RGL1: variants seen among roughly 807,000 people sequenced by gnomAD.
RGL1 encodes ral guanine nucleotide dissociation stimulator like 1.
Under a neutral mutation model 95.2 loss-of-function variants are expected in RGL1, and 24 were observed. The observed-to-expected ratio is 0.25, with a 90% CI of 0.18 to 0.35. The LOEUF (loss-of-function observed/expected upper bound fraction) is 0.35. Ranked by LOEUF, RGL1 falls within the 10% of genes least tolerant of loss-of-function variation. The pLI, the probability that RGL1 is intolerant of heterozygous loss-of-function variation, is 1.00. For synonymous variants in RGL1, 329 were observed against 344.9 expected (o/e 0.95, Z 0.51); for missense variants, 715 against 936.3 (o/e 0.76, Z 3.08).
Position 183,905,027 on chromosome 1 carries a change from T to G in RGL1, c.1472+56T>G, listed in dbSNP as rs556777486. On this transcript the variant is annotated intron_variant, in intron 13 of 17. Coordinates refer to ENST00000360851, the MANE Select transcript of RGL1 (RefSeq NM_001297671.3). ...ACTGAAGTGTTGGCAAGAAAAATGC[T>G]GCATTTAATACCTCGCTGGGTCATT... 1.9e-6 allele frequency: 3 copies of G among 1,579,774 alleles called. No homozygotes were observed. The South Asian group carries it at 3.5e-5, about 19-fold the overall frequency.
chr1:183,710,932 T>A (rs1190018555), intron 1 of RGL1, among the ~76,000 whole-genome samples: 1 of 152,226 alleles, frequency 6.6e-6, no homozygotes, highest in African/African-American at 2.4e-5. Context: ...ATCTTTCTCT[T>A]GGCCCTTGAT....
chr1:183,760,579 A>C (rs893523006), intron 2 of RGL1, among the ~76,000 whole-genome samples: 1 of 148,500 alleles, frequency 6.7e-6, no homozygotes, highest in African/African-American at 2.5e-5. Context: ...AAAAAAAAAA[A>C]AAAAAAAAAA....
At chr1:183,912,790 G>A (rs1476605784) in intron 15 of RGL1, among the ~76,000 whole-genome samples, 3 of 152,136 alleles carry the variant, frequency 2.0e-5, no homozygotes, top group Non-Finnish European at 2.9e-5. Flanking sequence ...TTGGAGTAAC[G>A]GGCTACCCAG....
intron 2 of RGL1, among the ~76,000 whole-genome samples, chr1:183,826,428 T>A (rs1158932975): frequency 3.3e-5 from 5 of 152,218 alleles, no homozygotes; most frequent in Non-Finnish European, 7.3e-5. Flanking sequence ...GATTGCTGCT[T>A]CGTACATTAG....
upstream of RGL1, among the ~76,000 whole-genome samples, chr1:183,803,475 G>A (rs1004425309): frequency 6.6e-6 from 1 of 152,312 alleles, no homozygotes; most frequent in South Asian, 2.1e-4. Context: ...CTTGAAGCTA[G>A]TTCTTTTCCC....
chr1:183,674,952 GC>G (rs1484178891), intron 1 of RGL1, among the ~76,000 whole-genome samples: 1 of 152,198 alleles, frequency 6.6e-6, no homozygotes, highest in African/African-American at 2.4e-5. Context: ...CCCAGAAGTT[GC>G]CTTTGAAGAT....
At chr1:183,878,484 C>T (rs945646533) in intron 4 of RGL1, among the ~76,000 whole-genome samples, 3 of 152,078 alleles carry the variant, frequency 2.0e-5, no homozygotes, top group African/African-American at 7.2e-5. Context: ...AGGCGTGAGC[C>T]ACCACACCTG....
chr1:183,912,105 T>C lies in RGL1; in HGVS notation c.1586T>C (p.Ile529Thr). The C allele has an allele frequency of 6.2e-7, 1 of 1,613,960 alleles. No individual in the cohort carries two copies. Among genetic ancestry groups the C allele is most frequent in the Non-Finnish European group, 8.5e-7 (1 of 1,179,946 alleles). ...AGACTGTTTCTAGGGTCTGACATGA[T>C]CACCAGTCCCACTCCCACCAAAGAG... is the stretch of plus-strand genomic sequence containing the variant. ...LSLLFLGSDM[I>T]TSPTPTKEQP... The change falls in exon 15 of 18, where the codon ATC becomes ACC. Residue 529 changes from isoleucine to threonine, a missense_variant. Around this residue, in one of 3 missense-constraint regions of RGL1, gnomAD observed 330 missense variants for 429.6 expected, o/e 0.77. Transcript: ENST00000360851.
At chr1:183,752,708 C>CTCTCTCTA in intron 2 of RGL1, among the ~76,000 whole-genome samples, 1 of 144,860 alleles carries the variant, frequency 6.9e-6, no homozygotes, top group Non-Finnish European at 1.5e-5. Context: ...CTCTCTCTTT[C>CTCTCTCTA]CCCTTTCCTC....
intron 2 of RGL1, among the ~76,000 whole-genome samples, chr1:183,756,580 G>A (rs1658351479): frequency 1.3e-5 from 2 of 152,138 alleles, no homozygotes. Flanking sequence ...ACATGTTTAG[G>A]ATGGCCGAAA....
At chr1:183,662,058 T>A (rs1446116049) in intron 1 of RGL1, among the ~76,000 whole-genome samples, 1 of 149,728 alleles carries the variant, frequency 6.7e-6, no homozygotes, top group Admixed American at 6.6e-5. Context: ...ATGGGACATA[T>A]TTCAAGATAA....
At chr1:183,805,966 C>CTTTTCTTTTTTTTTT (rs1661276708) in intron 1 of RGL1, among the ~76,000 whole-genome samples, 1 of 28,402 alleles carries the variant, frequency 3.5e-5, no homozygotes, top group African/African-American at 1.1e-4. Flanking sequence ...TTTTTCTTTT[C>CTTTTCTTTTTTTTTT]TTTTCTTTTT....
In RGL1 at chr1:183,924,584, T is replaced by A. The variant is rs560445769; in HGVS notation, c.2120-1521T>A. ...CACATATATACCTGTGTAACAAACC[T>A]GCACGTTCTGCACATGTACCCCAGA... On this transcript the variant is annotated intron_variant, in intron 17 of 17. Coordinates refer to ENST00000360851, the MANE Select transcript of RGL1 (RefSeq NM_001297671.3). Among the ~76,000 whole-genome samples the A allele has an allele frequency of 5.9e-5, 9 of 152,080 alleles. No individual in the cohort carries two copies. In the South Asian group the frequency reaches 1.9e-3, roughly 32 times the overall value.
chr1:183,901,476 G>T (rs1668021418), intron 11 of RGL1, among the ~76,000 whole-genome samples: 2 of 152,088 alleles, frequency 1.3e-5, no homozygotes, highest in South Asian at 4.1e-4. Flanking sequence ...CAGCCTAGGT[G>T]CCAGAGTGAG....
At chr1:183,810,186 A>C (rs1025094255) in intron 2 of RGL1, among the ~76,000 whole-genome samples, 58 of 152,232 alleles carry the variant, frequency 3.8e-4, no homozygotes, top group African/African-American at 1.3e-3. Flanking sequence ...CTGTTTGGGA[A>C]GGGCTTTGGT....
intron 1 of RGL1, among the ~76,000 whole-genome samples, chr1:183,729,233 A>G (rs1188216631): frequency 6.6e-6 from 1 of 152,040 alleles, no homozygotes; most frequent in Non-Finnish European, 1.5e-5. Context: ...ATAAGGACTG[A>G]TATCTAGAAT....
intron 1 of RGL1, among the ~76,000 whole-genome samples, chr1:183,684,548 G>A (rs115801508): frequency 0.046 from 7,019 of 152,248 alleles, 210 homozygotes; most frequent in African/African-American, 0.085. Flanking sequence ...GATCCACTGA[G>A]CTAGACCATT....
intron 1 of RGL1, among the ~76,000 whole-genome samples, chr1:183,696,605 C>G (rs1050445320): frequency 4.6e-5 from 7 of 152,166 alleles, no homozygotes. Context: ...ATATCTCCAG[C>G]CCAGGCCTCT....
At chr1:183,902,526 A>G (rs1186109442) in intron 11 of RGL1, 42 bp from the exon 12 acceptor site, 4 of 1,575,680 alleles carry the variant, frequency 2.5e-6, no homozygotes, top group Non-Finnish European at 2.6e-6. Context: ...TGTGTTTTAA[A>G]GTAGCTTGGT....
Sources: allele counts gnomAD v4.1 joint callset (sites outside exome capture counted in the v4.1 genomes callset), GRCh38; gene constraint gnomAD v4.1.1; regional missense constraint gnomAD v4.1.1; transcripts MANE v1.5; gene names NCBI Gene and HGNC (gene_info 2026-07-23, HGNC 2026-07-21).